NRF1: variants seen among roughly 807,000 people sequenced by gnomAD.
NRF1 encodes alpha palindromic-binding protein.
A neutral mutation model predicts 58.5 loss-of-function variants in NRF1; 5 were observed. The observed-to-expected ratio is 0.09, with a 90% CI of 0.04 to 0.18. The LOEUF is 0.18. NRF1 is among the 10% of genes least tolerant of loss of function. The probability of loss-of-function intolerance (pLI) is 1.00; values close to 1 mark genes in which losing one functional copy is unlikely to be tolerated. For missense variants in NRF1, 288 were observed against 657.7 expected, an observed-to-expected ratio of 0.44 and a Z score of 6.15; for synonymous variants, 224 against 246.7, an observed-to-expected ratio of 0.91 and a Z score of 0.86.
intron 1 of NRF1, among the ~76,000 whole-genome samples, chr7:129,644,358 C>A (rs968168266): frequency 1.3e-5 from 2 of 151,298 alleles, no homozygotes; most frequent in Non-Finnish European, 2.9e-5. Flanking sequence ...CGCTGACAAT[C>A]TTTATTTCTG....
chr7:129,640,727 A>AG (rs1476161141), intron 1 of NRF1, among the ~76,000 whole-genome samples: 1 of 152,162 alleles, frequency 6.6e-6, no homozygotes, highest in East Asian at 1.9e-4. Context: ...AGCAGGAGAT[A>AG]GGGGTTCAAG....
In NRF1 at chr7:129,651,233, C is replaced by T. The variant is rs369179977; in HGVS notation, c.-6-6113C>T. ...GGTCAGGAGTTTGAGACCAGCCTGG[C>T]TGATATGGTAAAACCCCGTCTCTGC... On this transcript the variant is annotated intron_variant, in intron 1 of 10. Coordinates refer to ENST00000393232, the MANE Select transcript of NRF1 (RefSeq NM_005011.5). Among the ~76,000 whole-genome samples the T allele has an allele frequency of 4.1e-4, 62 of 152,134 alleles. No individual in the cohort carries two copies. In the South Asian group the frequency reaches 0.012, roughly 31 times the overall value.
chr7:129,704,470 C>T (rs548687094), intron 5 of NRF1, among the ~76,000 whole-genome samples: 2 of 152,130 alleles, frequency 1.3e-5, no homozygotes, highest in Non-Finnish European at 2.9e-5. Context: ...AGTAAAATCT[C>T]ATTTACCTTT....
chr7:129,655,622 A>G (rs1031815751), intron 1 of NRF1, among the ~76,000 whole-genome samples: 1 of 152,064 alleles, frequency 6.6e-6, no homozygotes, highest in Non-Finnish European at 1.5e-5. Flanking sequence ...TCTGGGTTCA[A>G]GCGATTCTTC....
At chr7:129,620,629 G>A (rs892228817) in intron 1 of NRF1, among the ~76,000 whole-genome samples, 16 of 151,916 alleles carry the variant, frequency 1.1e-4, no homozygotes, top group African/African-American at 3.1e-4. Flanking sequence ...CTTGTGATCC[G>A]CCCGCCTTGG....
At chr7:129,620,086 G>A (rs1276728936) in intron 1 of NRF1, among the ~76,000 whole-genome samples, 1 of 152,144 alleles carries the variant, frequency 6.6e-6, no homozygotes, top group African/African-American at 2.4e-5. Flanking sequence ...TAAATCAAGT[G>A]TTGGTTGTGT....
At position 129,720,261 on chromosome 7, in the gene NRF1, A is replaced by G. The variant is rs3800601; in HGVS notation, c.1223+2885A>G. Among the ~76,000 whole-genome samples, 157 of 152,292 alleles carry G rather than the reference A, an allele frequency of 1.0e-3. 3 individuals carry two copies. In the East Asian group the frequency reaches 0.021, roughly 21 times the overall value. On this transcript the variant is annotated intron_variant, in intron 9 of 10. Transcript: ENST00000393232. ...AGCAGAGACTAGACTATAGCAGACT[A>G]TTAGGGGAATATCAGGGCTTTCTGA...
intron 10 of NRF1, chr7:129,744,069 C>A: frequency 9.6e-7 from 1 of 1,043,930 alleles, no homozygotes; most frequent in Non-Finnish European, 1.4e-6. Context: ...GCACCCTGCA[C>A]CAGATGTGCA....
intron 10 of NRF1, among the ~76,000 whole-genome samples, chr7:129,747,699 C>A (rs1323643379): frequency 6.6e-6 from 1 of 152,176 alleles, no homozygotes; most frequent in Admixed American, 6.5e-5. Flanking sequence ...CCAAGATTCA[C>A]ATGTAGGTCT....
chr7:129,747,998 G>A (rs1160540430), intron 10 of NRF1, among the ~76,000 whole-genome samples: 3 of 152,088 alleles, frequency 2.0e-5, no homozygotes, highest in Non-Finnish European at 4.4e-5. Context: ...GTCCTCGGCC[G>A]GGCGCGGTGG....
intron 10 of NRF1, among the ~76,000 whole-genome samples, chr7:129,738,080 G>A (rs1413679773): frequency 1.3e-5 from 2 of 152,240 alleles, no homozygotes; most frequent in Non-Finnish European, 2.9e-5. Flanking sequence ...AGTGCCTTGA[G>A]AGAAAATGAA....
At chr7:129,659,368 C>A (rs559390824) in intron 2 of NRF1, among the ~76,000 whole-genome samples, 1 of 152,072 alleles carries the variant, frequency 6.6e-6, no homozygotes, top group Non-Finnish European at 1.5e-5. Context: ...CGTGAGCCAC[C>A]GCATCCAGCG....
intron 5 of NRF1, among the ~76,000 whole-genome samples, chr7:129,707,322 A>G (rs941761839): frequency 2.0e-5 from 3 of 152,200 alleles, no homozygotes; most frequent in African/African-American, 7.2e-5. Flanking sequence ...ATTTAGAATT[A>G]TTTAGCCTTC....
intron 8 of NRF1, among the ~76,000 whole-genome samples, chr7:129,714,153 G>A (rs1054723811): frequency 4.6e-5 from 7 of 152,276 alleles, no homozygotes; most frequent in African/African-American, 9.6e-5. Flanking sequence ...ATCACCTGCC[G>A]TGTTTCTGAT....
intron 1 of NRF1, among the ~76,000 whole-genome samples, chr7:129,648,015 G>A (rs1801448749): frequency 6.6e-6 from 1 of 152,014 alleles, no homozygotes; most frequent in Non-Finnish European, 1.5e-5. Context: ...ATAGCTATTT[G>A]TTTTTAAAGC....
At chr7:129,645,268 A>G (rs918422333) in intron 1 of NRF1, among the ~76,000 whole-genome samples, 2 of 152,200 alleles carry the variant, frequency 1.3e-5, no homozygotes, top group Non-Finnish European at 2.9e-5. Flanking sequence ...AAGACAGAAA[A>G]AGTCAAATGA....
intron 8 of NRF1, among the ~76,000 whole-genome samples, chr7:129,713,121 G>C (rs1156825346): frequency 6.8e-6 from 1 of 146,784 alleles, no homozygotes; most frequent in African/African-American, 2.5e-5. Flanking sequence ...TCCTGAGACG[G>C]AATCTCACTC....
chr7:129,625,804 C>G (rs900445850), intron 1 of NRF1, among the ~76,000 whole-genome samples: 1 of 150,856 alleles, frequency 6.6e-6, no homozygotes, highest in Non-Finnish European at 1.5e-5. Context: ...GCCTCAGCCT[C>G]CCGAGTAGCT....
rs372739006 is a variant in NRF1, at chr7:129,637,416, C to T, written c.-6-19930C>T. On this transcript the variant is annotated intron_variant, in intron 1 of 10. Coordinates refer to ENST00000393232, the MANE Select transcript of NRF1 (RefSeq NM_005011.5). ...TTTCATTTGGTAAAAAGAAGAAGAGCTTATGCTGTTTGTCTTTTCTTTCTC... is the reference window on the plus strand; with the variant it reads ...TTTCATTTGGTAAAAAGAAGAAGAGTTTATGCTGTTTGTCTTTTCTTTCTC... Among the ~76,000 whole-genome samples, 64 of 152,158 alleles carry T rather than the reference C, an allele frequency of 4.2e-4. No homozygotes were observed. The South Asian group carries it at 0.013, about 31-fold the overall frequency.
Sources: gnomAD v4.1 joint callset for allele counts (sites outside exome capture counted in the v4.1 genomes callset) on GRCh38, gnomAD v4.1.1 for gene constraint, MANE v1.5 for transcripts, NCBI Gene and HGNC (gene_info 2026-07-23, HGNC 2026-07-21) for gene names.